Variants in SYNPR observed in about 807,000 individuals in gnomAD.
SYNPR encodes the protein synaptoporin.
SYNPR carries 23 observed loss-of-function variants against 32.9 expected under a neutral mutation model. The ratio of observed to expected loss-of-function variants is 0.70; its 90% CI spans 0.50 to 0.99. The LOEUF is 0.99. Ranked by LOEUF, SYNPR falls within the 50% of genes least tolerant of loss-of-function variation. The pLI is 0.00. For missense variants in SYNPR, 318 were observed against 349.3 expected (o/e 0.91, Z 0.71); for synonymous variants, 146 against 135.9 (o/e 1.07, Z -0.52).
chr3:63,451,955 G>A, intron 2 of SYNPR: 2 of 616,454 alleles, frequency 3.2e-6, no homozygotes, highest in Non-Finnish European at 5.8e-6. Context: ...ACTCTGAGTG[G>A]TATTTATAAA....
intron 2 of SYNPR, among the ~76,000 whole-genome samples, chr3:63,475,162 C>T (rs1700877380): frequency 6.6e-6 from 1 of 152,108 alleles, no homozygotes; most frequent in Non-Finnish European, 1.5e-5. Context: ...TCTGTTCCAC[C>T]TAAATGCATT....
At chr3:63,240,609 G>A (rs924877546) in intron 1 of SYNPR, among the ~76,000 whole-genome samples, 1 of 152,050 alleles carries the variant, frequency 6.6e-6, no homozygotes, top group African/African-American at 2.4e-5. Context: ...TCACCCAAGG[G>A]GACTTATCCA....
intron 2 of SYNPR, among the ~76,000 whole-genome samples, chr3:63,461,273 A>T (rs1700580881): frequency 6.6e-6 from 1 of 152,144 alleles, no homozygotes; most frequent in Admixed American, 6.5e-5. Flanking sequence ...AAATGAGAAC[A>T]TTATAATAAT....
At chr3:63,422,533 A>T (rs1699818038) in intron 2 of SYNPR, among the ~76,000 whole-genome samples, 1 of 152,212 alleles carries the variant, frequency 6.6e-6, no homozygotes, top group Admixed American at 6.5e-5. Context: ...CATTTCTTAA[A>T]ATTCATCAAA....
chr3:63,547,074 C>T (rs1040717510), intron 3 of SYNPR, among the ~76,000 whole-genome samples: 19 of 152,242 alleles, frequency 1.2e-4, no homozygotes, highest in Middle Eastern at 3.4e-3. Context: ...AATAGCATCA[C>T]TGGAATCCCT....
intron 2 of SYNPR, among the ~76,000 whole-genome samples, chr3:63,376,722 T>G (rs573154962): frequency 1.3e-5 from 2 of 152,258 alleles, no homozygotes; most frequent in Non-Finnish European, 2.9e-5. Context: ...AGGTGCTAAT[T>G]TATTAGAGTA....
chr3:63,457,114 T>C (rs1700497247), intron 2 of SYNPR, among the ~76,000 whole-genome samples: 1 of 152,068 alleles, frequency 6.6e-6, no homozygotes. Context: ...GAATGCCTTT[T>C]GTAGCTTGCC....
intron 2 of SYNPR, among the ~76,000 whole-genome samples, chr3:63,320,551 G>A (rs1168137657): frequency 1.3e-5 from 2 of 152,042 alleles, no homozygotes; most frequent in Non-Finnish European, 1.5e-5. Flanking sequence ...ACTAGACCAG[G>A]AAGGCAGGGA....
chr3:63,396,712 C>A (rs1189023063), intron 2 of SYNPR, among the ~76,000 whole-genome samples: 3 of 152,198 alleles, frequency 2.0e-5, no homozygotes, highest in Non-Finnish European at 2.9e-5. Context: ...TTCATACCTG[C>A]ATTTTCTTTT....
At chr3:63,563,894 AT>A (rs1250504725) in intron 4 of SYNPR, among the ~76,000 whole-genome samples, 5 of 151,978 alleles carry the variant, frequency 3.3e-5, no homozygotes, top group African/African-American at 4.8e-5. Flanking sequence ...TAATAAAAAA[AT>A]AAAAAATAAA....
chr3:63,256,700 C>A (rs1014334795), intron 2 of SYNPR, among the ~76,000 whole-genome samples: 2 of 152,288 alleles, frequency 1.3e-5, no homozygotes, highest in Admixed American at 6.5e-5. Flanking sequence ...TCACCAGCAA[C>A]AGAACAAAGC....
At chr3:63,274,760 C>T (rs1027655475), upstream of SYNPR, among the ~76,000 whole-genome samples, 2 of 152,126 alleles carry the variant, frequency 1.3e-5, no homozygotes, top group African/African-American at 2.4e-5. Flanking sequence ...AGTAACTGTC[C>T]TCTGAATTGT....
intron 2 of SYNPR, among the ~76,000 whole-genome samples, chr3:63,455,742 A>C (rs890128064): frequency 1.6e-5 from 2 of 121,504 alleles, no homozygotes; most frequent in African/African-American, 7.8e-5. Flanking sequence ...GCTTCTGTAC[A>C]TAGTCATGTT....
chr3:63,258,397 A>G (rs1195351843), intron 2 of SYNPR, among the ~76,000 whole-genome samples: 2 of 152,252 alleles, frequency 1.3e-5, no homozygotes, highest in Admixed American at 1.3e-4. Flanking sequence ...CGATCAAACT[A>G]GAACTCAGGA....
intron 3 of SYNPR, among the ~76,000 whole-genome samples, chr3:63,531,673 G>C (rs1488001754): frequency 1.3e-5 from 2 of 152,032 alleles, no homozygotes; most frequent in African/African-American, 2.4e-5. Context: ...GCACTCATTG[G>C]GCCCAAGTAA....
At chr3:63,379,070 T>C (rs1485547875) in intron 2 of SYNPR, among the ~76,000 whole-genome samples, 2 of 152,304 alleles carry the variant, frequency 1.3e-5, no homozygotes, top group African/African-American at 2.4e-5. Context: ...AAATGTAGCA[T>C]GCATAAGTGT....
chr3:63,410,971 A>G (rs2107117455), intron 2 of SYNPR, among the ~76,000 whole-genome samples: 1 of 152,314 alleles, frequency 6.6e-6, no homozygotes, highest in East Asian at 1.9e-4. Context: ...TTGGGGCATT[A>G]TTCCTAGAAA....
intron 2 of SYNPR, among the ~76,000 whole-genome samples, chr3:63,371,067 C>T (rs774872080): frequency 2.6e-5 from 4 of 152,138 alleles, no homozygotes; most frequent in African/African-American, 7.2e-5. Flanking sequence ...AAACAACCCA[C>T]GAATGAAAGA....
At chr3:63,203,068 G>GTGTATA in the SYNPR span, 406 of 108,480 alleles carry the variant, frequency 3.7e-3, 15 homozygotes, top group African/African-American at 0.017. Context: ...ATATGTATGT[G>GTGTATA]TATATATATA....
Sources: gnomAD v4.1 joint callset for allele counts (sites outside exome capture counted in the v4.1 genomes callset) on GRCh38, gnomAD v4.1.1 for gene constraint, MANE v1.5 for transcripts, NCBI Gene and HGNC (gene_info 2026-07-23, HGNC 2026-07-21) for gene names.